The following RABGEF1 variants were observed in gnomAD, a reference collection of about 807,000 sequenced individuals.
RABGEF1 encodes rab5 GDP/GTP exchange factor.
In RABGEF1, 26 loss-of-function variants were observed where a neutral mutation model predicts 57.3. That is an observed-to-expected ratio of 0.45 (90% CI 0.33 to 0.63). RABGEF1 has a LOEUF of 0.63. Ranked by LOEUF, RABGEF1 falls within the 20% of genes least tolerant of loss-of-function variation. RABGEF1 has a pLI of 0.02. For missense variants in RABGEF1, 464 were observed against 607.6 expected, an observed-to-expected ratio of 0.76 and a Z score of 2.48; for synonymous variants, 185 against 210.7, an observed-to-expected ratio of 0.88 and a Z score of 1.06.
Position 66,799,357 on chromosome 7 carries a change from G to A in RABGEF1, c.763G>A (p.Val255Ile). 6 of 1,612,490 alleles carry A rather than the reference G, an allele frequency of 3.7e-6. No homozygotes were observed. The highest frequency in any genetic ancestry group is 5.1e-6 in the Non-Finnish European group (6 of 1,178,486). The stretch of plus-strand genomic sequence containing the variant: ...CTGGGTTACGCCTCAGATGCTGTGT[G>A]TCCCTGTTAATGAAGACATCCCAGA... The part of the protein sequence containing the change: ...LRWVTPQMLC[V>I]PVNEDIPEVS... The change falls in exon 7 of 9, where the codon GTC (valine) becomes ATC (isoleucine). Residue 255 changes from valine to isoleucine, a missense_variant. Around this residue, in one of 4 missense-constraint regions of RABGEF1, gnomAD observed 284 missense variants for 389.9 expected, o/e 0.73. Transcript: ENST00000284957.
intron 1 of RABGEF1, among the ~76,000 whole-genome samples, chr7:66,760,440 G>GTTTTTT (rs1803998454): frequency 3.6e-5 from 5 of 138,798 alleles, no homozygotes; most frequent in Admixed American, 7.2e-5. Flanking sequence ...TGGTTAGCAT[G>GTTTTTT]TATTTTTTTT....
At chr7:66,746,618 CTTTTTTTTTTTT>C (rs1206614304) in intron 1 of RABGEF1, among the ~76,000 whole-genome samples, 2 of 92,174 alleles carry the variant, frequency 2.2e-5, no homozygotes, top group Non-Finnish European at 4.2e-5. Flanking sequence ...ATAATATAAC[CTTTTTTTTTTTT>C]TTTTTTTTTT....
chr7:66,675,316 G>A, the RABGEF1 span, among the ~76,000 whole-genome samples: 6 of 152,126 alleles, frequency 3.9e-5, no homozygotes, highest in Admixed American at 3.9e-4. Flanking sequence ...TGTCATCCCA[G>A]CTATTCGGGG....
the RABGEF1 span, among the ~76,000 whole-genome samples, chr7:66,659,546 A>G: frequency 2.0e-5 from 3 of 152,022 alleles, no homozygotes; most frequent in African/African-American, 7.2e-5. Context: ...TTGGGAGGCC[A>G]AGGCAGGTGG....
At chr7:66,724,377 TTGAG>T (rs966728763) in intron 2 of RABGEF1, among the ~76,000 whole-genome samples, 5 of 152,220 alleles carry the variant, frequency 3.3e-5, no homozygotes, top group African/African-American at 9.6e-5. Flanking sequence ...TTTTTTTTTT[TTGAG>T]ACGGAGTCTC....
intron 2 of RABGEF1, among the ~76,000 whole-genome samples, chr7:66,772,916 A>G (rs1417396685): frequency 6.6e-6 from 1 of 151,360 alleles, no homozygotes; most frequent in African/African-American, 2.4e-5. Context: ...TGTCTCAAAA[A>G]AAAATAAATA....
intron 3 of RABGEF1, among the ~76,000 whole-genome samples, chr7:66,781,539 G>A (rs140712228): frequency 8.1e-4 from 123 of 152,128 alleles, no homozygotes; most frequent in Middle Eastern, 3.4e-3. Context: ...AATAGGCCAC[G>A]GTGTGTGATG....
chr7:66,760,434 T>G (rs1803994046), intron 1 of RABGEF1, among the ~76,000 whole-genome samples: 1 of 151,086 alleles, frequency 6.6e-6, no homozygotes, highest in Non-Finnish European at 1.5e-5. Context: ...TAAAGTTGGT[T>G]AGCATGTATT....
chr7:66,697,692 C>T (rs778309714), intron 1 of RABGEF1, among the ~76,000 whole-genome samples: 5 of 152,012 alleles, frequency 3.3e-5, no homozygotes, highest in Non-Finnish European at 7.4e-5. Flanking sequence ...CTGGGGGAGG[C>T]GCAGACTGTG....
At chr7:66,688,487 G>A (rs1412993316) in intron 1 of RABGEF1, among the ~76,000 whole-genome samples, 1 of 152,164 alleles carries the variant, frequency 6.6e-6, no homozygotes, top group Non-Finnish European at 1.5e-5. Context: ...GTGGGACATT[G>A]TCCAGAGTAT....
rs754121727 is a variant in RABGEF1 at position 66,808,871 on chromosome 7, G to A, written c.1078-15G>A. 39 of 1,544,088 alleles carry A rather than the reference G, an allele frequency of 2.5e-5. No individual in the cohort carries two copies. The highest frequency in any genetic ancestry group is 2.9e-5 in the Non-Finnish European group (33 of 1,130,542). ...GCTTTCCTAATATGACTGTATTAACGTCCTCTTCTTGTAGTGCTGTGCTGT... is the reference window on the plus strand; with the variant it reads ...GCTTTCCTAATATGACTGTATTAACATCCTCTTCTTGTAGTGCTGTGCTGT... On this transcript the variant is annotated splice_polypyrimidine_tract_variant and intron_variant, in intron 8 of 8. Transcript: ENST00000284957.
chr7:66,793,470 A>G (rs774288885), intron 4 of RABGEF1, among the ~76,000 whole-genome samples: 1 of 152,102 alleles, frequency 6.6e-6, no homozygotes, highest in Non-Finnish European at 1.5e-5. Context: ...GGGATTTTTG[A>G]GCATTTCAGA....
chr7:66,686,209 A>T (rs1203735569), intron 1 of RABGEF1, among the ~76,000 whole-genome samples: 1 of 150,998 alleles, frequency 6.6e-6, no homozygotes, highest in Non-Finnish European at 1.5e-5. Flanking sequence ...TGAACCCAGT[A>T]GGTGGAGGTT....
intron 1 of RABGEF1, among the ~76,000 whole-genome samples, chr7:66,710,857 T>G (rs1245301220): frequency 6.6e-6 from 1 of 152,048 alleles, no homozygotes; most frequent in Non-Finnish European, 1.5e-5. Context: ...TCGCACCATT[T>G]TGGGAGGCCA....
intron 1 of RABGEF1, among the ~76,000 whole-genome samples, chr7:66,707,422 A>G (rs2117339481): frequency 6.6e-6 from 1 of 152,162 alleles, no homozygotes; most frequent in South Asian, 2.1e-4. Context: ...GCCAGGCATG[A>G]TGGCTCACAC....
the RABGEF1 span, chr7:66,669,310 C>T: frequency 0.28 from 42,005 of 152,414 alleles, 6,581 homozygotes; most frequent in South Asian, 0.48. Context: ...TGCCAGCTCC[C>T]TCCCCAGTCA....
intron 1 of RABGEF1, among the ~76,000 whole-genome samples, chr7:66,709,756 C>G (rs1223260640): frequency 6.6e-6 from 1 of 152,052 alleles, no homozygotes; most frequent in Non-Finnish European, 1.5e-5. Flanking sequence ...GCCTGGGTGA[C>G]AAGAGCAAAA....
chr7:66,679,072 A>C (rs1475025381), upstream of RABGEF1, among the ~76,000 whole-genome samples: 2 of 152,110 alleles, frequency 1.3e-5, no homozygotes, highest in African/African-American at 2.4e-5. Context: ...GTTCCCTCCC[A>C]TATTGACGTT....
upstream of RABGEF1, among the ~76,000 whole-genome samples, chr7:66,737,423 T>C (rs142444469): frequency 2.0e-5 from 3 of 149,586 alleles, no homozygotes; most frequent in Non-Finnish European, 4.4e-5. Flanking sequence ...CTGGCTATCC[T>C]ACGCAATACG....
Sources: allele counts gnomAD v4.1 joint callset (sites outside exome capture counted in the v4.1 genomes callset), GRCh38; gene constraint gnomAD v4.1.1; regional missense constraint gnomAD v4.1.1; transcripts MANE v1.5; gene names NCBI Gene and HGNC (gene_info 2026-07-23, HGNC 2026-07-21).